DAPK1: variants seen among roughly 807,000 people sequenced by gnomAD.
DAPK1 encodes the protein death associated protein kinase 1.
A neutral mutation model predicts 144.9 loss-of-function variants in DAPK1; 56 were observed. The ratio of observed to expected loss-of-function variants is 0.39; its 90% CI spans 0.31 to 0.48. The LOEUF is 0.48. Ranked by LOEUF, DAPK1 falls within the 20% of genes least tolerant of loss-of-function variation. The pLI, the probability that DAPK1 is intolerant of heterozygous loss-of-function variation, is 0.95. For synonymous variants in DAPK1, 690 were observed against 749.0 expected, an observed-to-expected ratio of 0.92 and a Z score of 1.29; for missense variants, 1,454 against 1,875.4, an observed-to-expected ratio of 0.78 and a Z score of 4.15.
chr9:87,556,815 G>A (rs1729960156), intron 2 of DAPK1, among the ~76,000 whole-genome samples: 1 of 152,182 alleles, frequency 6.6e-6, no homozygotes, highest in Admixed American at 6.5e-5. Context: ...CTTGGTCCTT[G>A]TTTCTAGTAG....
At chr9:87,600,840 A>AG (rs1172629557) in intron 2 of DAPK1, among the ~76,000 whole-genome samples, 1 of 152,142 alleles carries the variant, frequency 6.6e-6, no homozygotes, top group Non-Finnish European at 1.5e-5. Context: ...GGGTGTGAGG[A>AG]GGGGGCAGAA....
At chr9:87,690,317 TGTATAGAAAGGCTACTGATTTTTGTAG>T (rs1825011319) in intron 21 of DAPK1, among the ~76,000 whole-genome samples, 2 of 152,098 alleles carry the variant, frequency 1.3e-5, no homozygotes, top group African/African-American at 4.8e-5. Flanking sequence ...TCATTTTTGA[TGTATAGAAAGGCTACTGATTTTTGTAG>T]GTTGATTTTG....
At chr9:87,589,814 C>T (rs978456875) in intron 2 of DAPK1, among the ~76,000 whole-genome samples, 2 of 152,098 alleles carry the variant, frequency 1.3e-5, no homozygotes, top group Admixed American at 1.3e-4. Flanking sequence ...GCCAGGATGT[C>T]CTGAAAAATA....
At chr9:87,689,785 T>C (rs1244409403) in intron 21 of DAPK1, among the ~76,000 whole-genome samples, 2 of 152,192 alleles carry the variant, frequency 1.3e-5, no homozygotes, top group Non-Finnish European at 2.9e-5. Context: ...GTATGTGTTC[T>C]TATTGCCTCT....
At chr9:87,591,170 A>G (rs563734819) in intron 2 of DAPK1, among the ~76,000 whole-genome samples, 5 of 152,334 alleles carry the variant, frequency 3.3e-5, no homozygotes, top group African/African-American at 4.8e-5. Flanking sequence ...AAGTTTGTCA[A>G]TGGCCCATGT....
chr9:87,632,885 T>C, intron 3 of DAPK1: 1 of 945,402 alleles, frequency 1.1e-6, no homozygotes, highest in Non-Finnish European at 1.2e-6. Flanking sequence ...AGTATACATG[T>C]AGGGATGAAG....
chr9:87,644,227 A>G (rs1017535259), intron 11 of DAPK1, among the ~76,000 whole-genome samples: 2 of 152,140 alleles, frequency 1.3e-5, no homozygotes, highest in African/African-American at 4.8e-5. Flanking sequence ...CTCTAATCCA[A>G]ACTGAAACCT....
chr9:87,627,598 G>GCCAT (rs1029315144), intron 3 of DAPK1, among the ~76,000 whole-genome samples: 2 of 152,008 alleles, frequency 1.3e-5, no homozygotes, highest in African/African-American at 4.8e-5. Context: ...CTCCCATGTA[G>GCCAT]CCATGGCCCA....
At chr9:87,548,501 C>CCA (rs999458217) in intron 2 of DAPK1, among the ~76,000 whole-genome samples, 11 of 152,156 alleles carry the variant, frequency 7.2e-5, no homozygotes, top group African/African-American at 2.7e-4. Context: ...CAATAGAAAA[C>CCA]ATTTGGTTAC....
At chr9:87,614,245 A>C (rs1829021593) in intron 3 of DAPK1, among the ~76,000 whole-genome samples, 1 of 152,214 alleles carries the variant, frequency 6.6e-6, no homozygotes, top group Admixed American at 6.5e-5. Context: ...AGACAATAGG[A>C]GTCTTACAAA....
intron 2 of DAPK1, among the ~76,000 whole-genome samples, chr9:87,591,534 A>T (rs912720916): frequency 2.6e-5 from 4 of 152,224 alleles, no homozygotes; most frequent in African/African-American, 9.6e-5. Context: ...AATTTCTCCA[A>T]TATACTATGT....
At chr9:87,698,511 G>A (rs537396972) in intron 22 of DAPK1, 145 bp from the exon 23 acceptor site, 64 of 662,246 alleles carry the variant, frequency 9.7e-5, no homozygotes, top group East Asian at 5.0e-4. Flanking sequence ...CACAGCAGGC[G>A]TGGGGCCTTC....
Position 87,708,507 on chromosome 9 carries a change from A to G in DAPK1, c.*1143A>G, listed in dbSNP as rs1044154107. 2 of 152,076 alleles carry G rather than the reference A, an allele frequency of 1.3e-5. No individual in the cohort carries two copies. Among genetic ancestry groups the G allele is most frequent in the Admixed American group, 6.6e-5 (1 of 15,204 alleles). 9.4% of individuals were successfully genotyped at this position (152,076 alleles called of 1,614,324 possible). A position where few individuals can be genotyped will look rare whatever the true frequency, so the allele number is the denominator to read the frequency against. ...GTAATGTTAATGTTATATCATATGT[A>G]TATATATATATGCACTATGTATATA... On this transcript the variant is annotated 3_prime_UTR_variant, in exon 26 of 26. Coordinates refer to ENST00000408954, the MANE Select transcript of DAPK1 (RefSeq NM_004938.4).
chr9:87,629,246 G>A (rs1427102021), intron 3 of DAPK1, among the ~76,000 whole-genome samples: 20 of 152,150 alleles, frequency 1.3e-4, no homozygotes, highest in Admixed American at 1.3e-3. Context: ...CGGTCTACAG[G>A]GAGAGACGCA....
intron 2 of DAPK1, among the ~76,000 whole-genome samples, chr9:87,597,012 C>CT (rs547045519): frequency 9.7e-4 from 148 of 152,280 alleles, no homozygotes; most frequent in African/African-American, 3.5e-3. Context: ...CTCACAGCTG[C>CT]TGTCAGCTCA....
intron 3 of DAPK1, among the ~76,000 whole-genome samples, chr9:87,616,069 GC>G (rs1297634091): frequency 1.3e-5 from 2 of 152,358 alleles, no homozygotes; most frequent in Admixed American, 6.5e-5. Flanking sequence ...TGATTTAGAA[GC>G]TTTTGAAAGC....
At chr9:87,555,432 A>G (rs1826673462) in intron 2 of DAPK1, among the ~76,000 whole-genome samples, 1 of 152,212 alleles carries the variant, frequency 6.6e-6, no homozygotes, top group Admixed American at 6.5e-5. Flanking sequence ...CTCAAGAAGT[A>G]TTAGTAACAC....
At chr9:87,589,393 A>C (rs1198617061) in intron 2 of DAPK1, among the ~76,000 whole-genome samples, 1 of 152,114 alleles carries the variant, frequency 6.6e-6, no homozygotes, top group East Asian at 1.9e-4. Context: ...CTTGACTGTC[A>C]TGCATATAAT....
chr9:87,597,817 T>G (rs1828375243), intron 2 of DAPK1, among the ~76,000 whole-genome samples: 4 of 152,154 alleles, frequency 2.6e-5, no homozygotes, highest in Admixed American at 2.6e-4. Context: ...GATGCCTTCC[T>G]GCCTCTGCTC....
Sources: allele counts gnomAD v4.1 joint callset (sites outside exome capture counted in the v4.1 genomes callset), GRCh38; gene constraint gnomAD v4.1.1; transcripts MANE v1.5; gene names NCBI Gene and HGNC (gene_info 2026-07-23, HGNC 2026-07-21).